The following PPP2R2C variants were observed in gnomAD, a reference collection of about 807,000 sequenced individuals.
PPP2R2C encodes the protein protein phosphatase 2, regulatory subunit B, gamma.
PPP2R2C carries 10 observed loss-of-function variants against 45.3 expected under a neutral mutation model. The ratio of observed to expected loss-of-function variants is 0.22; its 90% CI spans 0.14 to 0.37. The LOEUF (loss-of-function observed/expected upper bound fraction) is 0.37, where lower values mean the gene tolerates loss of function less well. PPP2R2C is among the 10% of genes least tolerant of loss of function. PPP2R2C has a pLI of 1.00. For missense variants in PPP2R2C, 308 were observed against 619.7 expected (o/e 0.50, Z 5.34); for synonymous variants, 257 against 245.4 (o/e 1.05, Z -0.44).
At chr4:6,477,703 C>T (rs1269620670) in intron 2 of PPP2R2C, among the ~76,000 whole-genome samples, 1 of 138,338 alleles carries the variant, frequency 7.2e-6, no homozygotes. Flanking sequence ...TCCACTCCAG[C>T]CTGGGCGACA....
intron 1 of PPP2R2C, among the ~76,000 whole-genome samples, chr4:6,551,004 G>C (rs1725165889): frequency 1.3e-5 from 2 of 152,238 alleles, no homozygotes; most frequent in South Asian, 4.1e-4. Flanking sequence ...GAGGTCAATT[G>C]CCATACCTTC....
chr4:6,482,445 G>C (rs992741838), intron 2 of PPP2R2C, among the ~76,000 whole-genome samples: 2 of 152,156 alleles, frequency 1.3e-5, no homozygotes, highest in Non-Finnish European at 2.9e-5. Flanking sequence ...TACTACCTCC[G>C]AAAGGGCTGG....
intron 1 of PPP2R2C, among the ~76,000 whole-genome samples, chr4:6,542,524 T>C (rs1338979037): frequency 1.3e-5 from 2 of 151,624 alleles, no homozygotes; most frequent in African/African-American, 2.4e-5. Flanking sequence ...CGAAACCCTG[T>C]CTCTACTAAA....
chr4:6,547,235 C>T (rs913882356), intron 1 of PPP2R2C, among the ~76,000 whole-genome samples: 1 of 152,058 alleles, frequency 6.6e-6, no homozygotes, highest in Non-Finnish European at 1.5e-5. Flanking sequence ...TACACTTCAG[C>T]ATGCATCTCT....
chr4:6,375,867 C>T lies in PPP2R2C; in HGVS notation c.399G>A (p.Lys133=). ...GGTCCTTAAGTTTCCCCTCTTCATC[C>T]TTCAGGTTGTATCCTTCGGGCCTTT... ...RDKRPEGYNL[K]DEEGKLKDLS... is the part of the protein sequence containing the mutation. Residue 133 remains lysine, a synonymous_variant, in exon 4 of 9, where the codon AAG becomes AAA. Transcript: ENST00000382599. 1 of 1,614,206 alleles carries T rather than the reference C, an allele frequency of 6.2e-7. No individual in the cohort carries two copies. The highest frequency in any genetic ancestry group is 8.5e-7 in the Non-Finnish European group (1 of 1,180,032).
At position 6,328,099 on chromosome 4, in the gene PPP2R2C, A is replaced by G. The variant is rs118071527; in HGVS notation, c.1052+1163T>C. ...CCAGCCACCCTCAGAGGTCTGGGAG[A>G]GCCCAGACCTGTCATGTTGACTGAT... On this transcript the variant is annotated intron_variant, in intron 8 of 8. Transcript: ENST00000382599. This position sits in a 1 kb window ranked among gnomAD's most constrained non-coding sequence, Gnocchi z 4.4. Among the ~76,000 whole-genome samples, 26 of 152,096 alleles carry G rather than the reference A, an allele frequency of 1.7e-4. No individual in the cohort carries two copies. In the East Asian group the frequency reaches 5.0e-3, roughly 29 times the overall value.
At chr4:6,513,425 C>T (rs1723733863) in intron 2 of PPP2R2C, among the ~76,000 whole-genome samples, 1 of 152,048 alleles carries the variant, frequency 6.6e-6, no homozygotes, top group Admixed American at 6.5e-5. Flanking sequence ...TCTGGGGAGC[C>T]CCAGAGAAGG....
At chr4:6,516,216 C>T (rs942552414) in intron 2 of PPP2R2C, among the ~76,000 whole-genome samples, 1 of 152,254 alleles carries the variant, frequency 6.6e-6, no homozygotes, top group Non-Finnish European at 1.5e-5. Flanking sequence ...TTAGGACCCA[C>T]CACAGTGTGG....
chr4:6,528,945 A>T (rs7691957), intron 2 of PPP2R2C, among the ~76,000 whole-genome samples: 2 of 152,180 alleles, frequency 1.3e-5, no homozygotes, highest in East Asian at 3.9e-4. Context: ...CCGGCCTGCA[A>T]CCAGGTGATT....
intron 1 of PPP2R2C, among the ~76,000 whole-genome samples, chr4:6,432,269 C>G (rs1719666310): frequency 6.6e-6 from 1 of 152,200 alleles, no homozygotes; most frequent in African/African-American, 2.4e-5. Flanking sequence ...ACCTGCTGCC[C>G]AAGTGACCTT....
At chr4:6,411,342 G>T (rs1011936972) in intron 1 of PPP2R2C, among the ~76,000 whole-genome samples, 3 of 152,074 alleles carry the variant, frequency 2.0e-5, no homozygotes, top group Non-Finnish European at 4.4e-5. Context: ...GCCTCACAGG[G>T]CTGGAATGAA....
intron 5 of PPP2R2C, among the ~76,000 whole-genome samples, chr4:6,363,892 G>C (rs1714038810): frequency 1.3e-5 from 2 of 152,208 alleles, no homozygotes; most frequent in Admixed American, 1.3e-4. Flanking sequence ...GGCAGGTCCA[G>C]AACAGAAGCC....
At chr4:6,437,837 T>C (rs1424915156) in intron 1 of PPP2R2C, among the ~76,000 whole-genome samples, 2 of 152,222 alleles carry the variant, frequency 1.3e-5, no homozygotes, top group Non-Finnish European at 2.9e-5. Context: ...TCAACACCCC[T>C]GTGTAGATGC....
rs184074682 is a variant in PPP2R2C, at chr4:6,364,383, G to T, written c.625+8140C>A. ...GTGGGCCAGGGAGGGGCCAGGGCCA[G>T]CTCCTGCAGGGCCTTGGAGGCCAGA... On this transcript the variant is annotated intron_variant, in intron 5 of 8. Transcript: ENST00000382599. The surrounding 1 kb of genome is among the most constrained non-coding windows in gnomAD (Gnocchi z 5.3). Among the ~76,000 whole-genome samples, 31 of 152,360 alleles carry T rather than the reference G, an allele frequency of 2.0e-4. No homozygotes were observed. In the East Asian group the frequency reaches 4.8e-3, roughly 24 times the overall value.
intron 2 of PPP2R2C, among the ~76,000 whole-genome samples, chr4:6,485,733 T>C (rs1722508302): frequency 6.6e-6 from 1 of 151,980 alleles, no homozygotes; most frequent in South Asian, 2.1e-4. Flanking sequence ...TCATTCTTGA[T>C]ACTGGCAATT....
intron 1 of PPP2R2C, among the ~76,000 whole-genome samples, chr4:6,412,453 T>C (rs1339605256): frequency 1.3e-5 from 2 of 152,148 alleles, no homozygotes; most frequent in Admixed American, 6.5e-5. Context: ...CCTCTATTTC[T>C]ATCTCCCTGA....
chr4:6,460,349 T>A (rs964427208), intron 1 of PPP2R2C, among the ~76,000 whole-genome samples: 1 of 152,190 alleles, frequency 6.6e-6, no homozygotes. Flanking sequence ...AGTAGGGAGA[T>A]GTTCATCTAT....
chr4:6,418,962 TC>T (rs1398436310), intron 1 of PPP2R2C, among the ~76,000 whole-genome samples: 1 of 152,132 alleles, frequency 6.6e-6, no homozygotes, highest in Non-Finnish European at 1.5e-5. Context: ...CCCTGGGTCC[TC>T]ACTCAGGGAA....
At chr4:6,547,311 T>C (rs964549182) in intron 1 of PPP2R2C, among the ~76,000 whole-genome samples, 1 of 151,748 alleles carries the variant, frequency 6.6e-6, no homozygotes, top group African/African-American at 2.4e-5. Flanking sequence ...CAACAATAGC[T>C]TCTTGGAATC....
Sources: gnomAD v4.1 joint callset for allele counts (sites outside exome capture counted in the v4.1 genomes callset) on GRCh38, gnomAD v4.1.1 for gene constraint, Gnocchi (gnomAD v3.1) non-coding constraint, MANE v1.5 for transcripts, NCBI Gene and HGNC (gene_info 2026-07-23, HGNC 2026-07-21) for gene names.